Variants in ERO1A observed in about 807,000 individuals in gnomAD.
The protein encoded by ERO1A is ERO1-like protein alpha.
Under a neutral mutation model 76.9 loss-of-function variants are expected in ERO1A, and 49 were observed. The ratio of observed to expected loss-of-function variants is 0.64; its 90% CI spans 0.51 to 0.81. ERO1A has a LOEUF of 0.81. Among genes scored for constraint, ERO1A ranks in the 30% least tolerant of loss-of-function variants. The pLI is 0.00. For missense variants in ERO1A, 448 were observed against 542.1 expected (o/e 0.83, Z 1.72); for synonymous variants, 174 against 181.2 (o/e 0.96, Z 0.32).
intron 4 of ERO1A, among the ~76,000 whole-genome samples, chr14:52,676,648 T>C (rs896490684): frequency 4.6e-5 from 7 of 152,218 alleles, no homozygotes; most frequent in Admixed American, 3.3e-4. Context: ...AGAAGAAGGA[T>C]ACGTTCTTGT....
At chr14:52,689,864 T>C (rs543024553) in intron 1 of ERO1A, among the ~76,000 whole-genome samples, 1 of 152,354 alleles carries the variant, frequency 6.6e-6, no homozygotes, top group Admixed American at 6.5e-5. Flanking sequence ...AGCAGCCTAC[T>C]TTGTAATTTC....
chr14:52,681,187 T>C (rs2040980726), intron 3 of ERO1A, among the ~76,000 whole-genome samples: 1 of 152,186 alleles, frequency 6.6e-6, no homozygotes. Flanking sequence ...TATTTGTGCA[T>C]AGCAGCATTA....
chr14:52,671,678 G>C lies in ERO1A; in HGVS notation c.460C>G (p.Gln154Glu). 6.2e-7 allele frequency: 1 copy of C among 1,607,754 alleles called. No individual in the cohort carries two copies. Among genetic ancestry groups the C allele is most frequent in the Non-Finnish European group, 8.5e-7 (1 of 1,176,656 alleles). Residue 154 changes from glutamine (Q) to glutamate (E), a missense_variant, in exon 6 of 16, where the codon CAG becomes GAG. Coordinates refer to ENST00000395686, the MANE Select transcript of ERO1A (RefSeq NM_014584.3). ...LSEETQKAVL[Q>E]WTKHDDSSDN... ...GAAGAATCATCATGCTTGGTCCACT[G>C]AAGAACAGCCTTCTGTGTTTCCTCA...
chr14:52,682,664 C>T (rs972196622), intron 2 of ERO1A, among the ~76,000 whole-genome samples: 6 of 151,974 alleles, frequency 3.9e-5, no homozygotes, highest in African/African-American at 1.4e-4. Context: ...TTTGGGAGGC[C>T]GAGGGGGGCG....
chr14:52,664,848 C>T (rs1163427562), intron 7 of ERO1A, among the ~76,000 whole-genome samples: 2 of 152,158 alleles, frequency 1.3e-5, no homozygotes, highest in Middle Eastern at 3.4e-3. Context: ...CCCACCACTA[C>T]GCCCGGCTAA....
At chr14:52,695,327 A>C in intron 1 of ERO1A, 41 bp downstream of exon 1, 1 of 1,312,242 alleles carries the variant, frequency 7.6e-7, no homozygotes, top group Non-Finnish European at 1.0e-6. Flanking sequence ...CACGCCGCGG[A>C]GGGCGCCGGG....
chr14:52,673,461 T>C (rs929046622), intron 4 of ERO1A, among the ~76,000 whole-genome samples: 1 of 152,228 alleles, frequency 6.6e-6, no homozygotes, highest in Non-Finnish European at 1.5e-5. Context: ...TTCCATTCAT[T>C]GATACTTATT....
At chr14:52,645,919 C>T (rs1248492634) in intron 15 of ERO1A, among the ~76,000 whole-genome samples, 1 of 151,904 alleles carries the variant, frequency 6.6e-6, no homozygotes, top group Non-Finnish European at 1.5e-5. Context: ...ACCTGTAATC[C>T]CAGCTACTTG....
chr14:52,678,276 T>C, intron 4 of ERO1A, 158 bp downstream of exon 4: 1 of 495,550 alleles, frequency 2.0e-6, no homozygotes, highest in Non-Finnish European at 3.6e-6. Flanking sequence ...AAATAAAATG[T>C]TAAACAAAAA....
At chr14:52,695,307 C>T (rs1435752747) in intron 1 of ERO1A, 61 bp downstream of exon 1, 10 of 1,162,838 alleles carry the variant, frequency 8.6e-6, no homozygotes, top group South Asian at 2.3e-5. Flanking sequence ...CCAGGGCGTG[C>T]GGGACAGTGC....
chr14:52,664,877 G>C (rs539483542), intron 7 of ERO1A, among the ~76,000 whole-genome samples: 7 of 151,952 alleles, frequency 4.6e-5, no homozygotes, highest in Admixed American at 3.3e-4. Context: ...ATTTTTAGTA[G>C]AGACGGGGTT....
Position 52,653,439 on chromosome 14 carries a change from C to A in ERO1A, c.809-124G>T, listed in dbSNP as rs932772294. 7.5e-6 allele frequency: 5 copies of A among 665,090 alleles called. No homozygotes were observed. In the South Asian group the frequency reaches 2.0e-4, roughly 27 times the overall value. The allele number at this position is 665,090 out of a possible 1,614,324, so 41.2% of individuals were successfully genotyped here. On this transcript the variant is annotated intron_variant, in intron 11 of 15. Coordinates refer to ENST00000395686, the MANE Select transcript of ERO1A (RefSeq NM_014584.3). ...GCATTTTAAGTTATATAATAACAAC[C>A]AAGAAAATGGTTTTTCACAATTTAG...
At chr14:52,684,211 A>G (rs996488558) in intron 1 of ERO1A, among the ~76,000 whole-genome samples, 1 of 151,666 alleles carries the variant, frequency 6.6e-6, no homozygotes, top group Non-Finnish European at 1.5e-5. Flanking sequence ...GCCATAGTTG[A>G]CCTGACCAAG....
chr14:52,653,019 C>A (rs943346101), intron 12 of ERO1A, 50 bp downstream of exon 12: 4 of 1,317,946 alleles, frequency 3.0e-6, no homozygotes, highest in South Asian at 1.4e-5. Context: ...TTATCTTGTA[C>A]ATTAATTGTC....
At chr14:52,687,666 A>G (rs2041221430) in intron 1 of ERO1A, among the ~76,000 whole-genome samples, 1 of 152,248 alleles carries the variant, frequency 6.6e-6, no homozygotes. Context: ...TATATCCCAA[A>G]GTAAAACAGA....
chr14:52,669,558 T>A (rs1002623204), intron 6 of ERO1A, among the ~76,000 whole-genome samples: 1 of 152,160 alleles, frequency 6.6e-6, no homozygotes, highest in African/African-American at 2.4e-5. Context: ...GAATGAACTT[T>A]CCAGATTTTA....
At chr14:52,667,292 T>G (rs954073481) in intron 6 of ERO1A, among the ~76,000 whole-genome samples, 3 of 152,224 alleles carry the variant, frequency 2.0e-5, no homozygotes, top group Non-Finnish European at 4.4e-5. Flanking sequence ...AAGGGAAAAT[T>G]GGAAGCAACC....
At chr14:52,695,018 G>A (rs12590590) in intron 1 of ERO1A, among the ~76,000 whole-genome samples, 1 of 151,990 alleles carries the variant, frequency 6.6e-6, no homozygotes, top group African/African-American at 2.4e-5. Context: ...AAGTGAGAAA[G>A]ATCCAGGTTC....
At chr14:52,671,746 A>G (rs765825066) in intron 5 of ERO1A, 43 bp from the exon 6 acceptor site, 8 of 1,572,840 alleles carry the variant, frequency 5.1e-6, no homozygotes, top group African/African-American at 1.4e-5. Flanking sequence ...TTTTAAGTTA[A>G]TATGTAACAT....
Sources: gnomAD v4.1 joint callset for allele counts (sites outside exome capture counted in the v4.1 genomes callset) on GRCh38, gnomAD v4.1.1 for gene constraint, MANE v1.5 for transcripts, NCBI Gene and HGNC (gene_info 2026-07-23, HGNC 2026-07-21) for gene names.